The following ZMAT4 variants were observed in gnomAD, a reference collection of about 807,000 sequenced individuals.
The protein encoded by ZMAT4 is zinc finger matrin-type 4, also known as zinc finger matrin-type protein 4.
A neutral mutation model predicts 28.7 loss-of-function variants in ZMAT4; 17 were observed. The ratio of observed to expected loss-of-function variants is 0.59; its 90% CI spans 0.41 to 0.89. ZMAT4 has a LOEUF of 0.89. Among genes scored for constraint, ZMAT4 ranks in the 40% least tolerant of loss-of-function variants. The pLI, the probability that ZMAT4 is intolerant of heterozygous loss-of-function variation, is 0.00. For missense variants in ZMAT4, 240 were observed against 283.8 expected, an observed-to-expected ratio of 0.85 and a Z score of 1.11; for synonymous variants, 117 against 109.2, an observed-to-expected ratio of 1.07 and a Z score of -0.44.
rs144550845 is a variant in ZMAT4 at position 40,691,474 on chromosome 8, C to T, written c.349+5771G>A. Among the ~76,000 whole-genome samples the T allele has an allele frequency of 2.5e-4, 38 of 151,952 alleles. No individual in the cohort carries two copies. In the East Asian group the frequency reaches 3.3e-3, roughly 13 times the overall value. ...CTGAAACAAGAAGGCAGAATGTCACCGTGTTCAACCTCAGCTGGGAATGTG... is the reference window on the plus strand; with the variant it reads ...CTGAAACAAGAAGGCAGAATGTCACTGTGTTCAACCTCAGCTGGGAATGTG... On this transcript the variant is annotated intron_variant, in intron 4 of 6. Coordinates refer to ENST00000297737, the MANE Select transcript of ZMAT4 (RefSeq NM_024645.3).
At chr8:40,826,805 C>T (rs1026621823) in intron 1 of ZMAT4, among the ~76,000 whole-genome samples, 2 of 152,146 alleles carry the variant, frequency 1.3e-5, no homozygotes, top group African/African-American at 4.8e-5. Flanking sequence ...GGATCTCAAG[C>T]TTCTGAAAGC....
rs1282169608 is a variant in ZMAT4 at position 40,654,352 on chromosome 8, G to A, written c.577+20352C>T. Among the ~76,000 whole-genome samples the A allele has an allele frequency of 2.0e-5, 3 of 152,184 alleles. No homozygotes were observed. In the East Asian group the frequency reaches 5.8e-4, roughly 29 times the overall value. ...TAGCCTGTGAAATGCATGCAATGAG[G>A]CACTTCCCTTGCATACAAGCCTATC... On this transcript the variant is annotated intron_variant, in intron 5 of 6. Coordinates refer to ENST00000297737, the MANE Select transcript of ZMAT4 (RefSeq NM_024645.3).
chr8:40,740,419 C>T (rs558789431), intron 3 of ZMAT4, among the ~76,000 whole-genome samples: 3 of 152,252 alleles, frequency 2.0e-5, no homozygotes, highest in East Asian at 3.9e-4. Context: ...CACAGGGTCA[C>T]GATCTATTGA....
chr8:40,695,338 T>C (rs1809833094), intron 4 of ZMAT4, among the ~76,000 whole-genome samples: 1 of 152,224 alleles, frequency 6.6e-6, no homozygotes, highest in Admixed American at 6.5e-5. Context: ...CCCTCTGATC[T>C]GTCTGGTGCT....
At chr8:40,549,210 C>T (rs1563335537) in intron 6 of ZMAT4, among the ~76,000 whole-genome samples, 1 of 152,118 alleles carries the variant, frequency 6.6e-6, no homozygotes, top group African/African-American at 2.4e-5. Context: ...CTTGGACTTC[C>T]CAGCCTCCAG....
chr8:40,805,181 T>C (rs1344530195), intron 2 of ZMAT4, among the ~76,000 whole-genome samples: 1 of 151,730 alleles, frequency 6.6e-6, no homozygotes, highest in Non-Finnish European at 1.5e-5. Flanking sequence ...AAAAAACACA[T>C]GAAAAAATGC....
At chr8:40,883,960 C>CA (rs1818365677) in intron 1 of ZMAT4, among the ~76,000 whole-genome samples, 2 of 152,276 alleles carry the variant, frequency 1.3e-5, no homozygotes, top group South Asian at 4.2e-4. Flanking sequence ...GCCCCTTTCG[C>CA]AGTGAAAAGC....
intron 3 of ZMAT4, among the ~76,000 whole-genome samples, chr8:40,708,679 T>C (rs1175424294): frequency 7.1e-6 from 1 of 141,620 alleles, no homozygotes; most frequent in African/African-American, 2.7e-5. Context: ...TGAGTCTTGC[T>C]CTGTCACCCA....
chr8:40,568,453 G>A (rs1483380695), intron 6 of ZMAT4, among the ~76,000 whole-genome samples: 1 of 152,100 alleles, frequency 6.6e-6, no homozygotes, highest in African/African-American at 2.4e-5. Flanking sequence ...ACCCTGAGCA[G>A]GCCGGAACTT....
chr8:40,532,997 A>C (rs1802741436), intron 6 of ZMAT4, among the ~76,000 whole-genome samples: 1 of 151,774 alleles, frequency 6.6e-6, no homozygotes, highest in East Asian at 1.9e-4. Context: ...AAAAAAAAAA[A>C]TTCTTTCTGG....
intron 1 of ZMAT4, among the ~76,000 whole-genome samples, chr8:40,873,643 G>A (rs1354904705): frequency 6.6e-6 from 1 of 152,106 alleles, no homozygotes; most frequent in African/African-American, 2.4e-5. Flanking sequence ...AGCAACAAAG[G>A]AGCCCCCACA....
chr8:40,594,808 A>G (rs533686343), intron 5 of ZMAT4, among the ~76,000 whole-genome samples: 2 of 152,322 alleles, frequency 1.3e-5, no homozygotes, highest in South Asian at 4.1e-4. Flanking sequence ...GATGCTATTT[A>G]TACCCATCTT....
At chr8:40,723,866 A>T (rs1260603118) in intron 3 of ZMAT4, among the ~76,000 whole-genome samples, 1 of 152,078 alleles carries the variant, frequency 6.6e-6, no homozygotes, top group African/African-American at 2.4e-5. Context: ...CTGTGTGGGT[A>T]GTGAGAGCCA....
chr8:40,533,145 C>T (rs1563328885), intron 6 of ZMAT4, among the ~76,000 whole-genome samples: 1 of 152,124 alleles, frequency 6.6e-6, no homozygotes, highest in Non-Finnish European at 1.5e-5. Flanking sequence ...TTTACATTTA[C>T]TTTACATTTT....
At chr8:40,895,379 G>A (rs954810766) in intron 1 of ZMAT4, among the ~76,000 whole-genome samples, 35 of 152,248 alleles carry the variant, frequency 2.3e-4, no homozygotes, top group Admixed American at 2.1e-3. Context: ...AAACTGGATC[G>A]CAGCAGAGGC....
chr8:40,889,285 C>T (rs772831784), intron 1 of ZMAT4, among the ~76,000 whole-genome samples: 13 of 152,236 alleles, frequency 8.5e-5, no homozygotes, highest in Non-Finnish European at 1.3e-4. Context: ...ACAAAGCAGG[C>T]GGCACTTGCC....
chr8:40,799,870 T>C (rs1814763482), intron 2 of ZMAT4, among the ~76,000 whole-genome samples: 1 of 152,188 alleles, frequency 6.6e-6, no homozygotes, highest in African/African-American at 2.4e-5. Flanking sequence ...GAAAGTAGAC[T>C]TGGATTAGTT....
intron 6 of ZMAT4, among the ~76,000 whole-genome samples, chr8:40,544,500 G>A (rs542731077): frequency 1.3e-5 from 2 of 152,246 alleles, no homozygotes; most frequent in African/African-American, 4.8e-5. Context: ...TGGAACAGTC[G>A]GACGACTAGG....
intron 5 of ZMAT4, among the ~76,000 whole-genome samples, chr8:40,597,405 T>C (rs1010138705): frequency 1.3e-5 from 2 of 152,134 alleles, no homozygotes; most frequent in African/African-American, 4.8e-5. Context: ...ATAACTCAGA[T>C]TGGAAAATTG....
Sources: gnomAD v4.1 joint callset for allele counts (sites outside exome capture counted in the v4.1 genomes callset) on GRCh38, gnomAD v4.1.1 for gene constraint, MANE v1.5 for transcripts, NCBI Gene and HGNC (gene_info 2026-07-23, HGNC 2026-07-21) for gene names.